Variants in PTPRD observed in about 807,000 individuals in gnomAD.
PTPRD encodes receptor-type tyrosine-protein phosphatase delta.
PTPRD carries 34 observed loss-of-function variants against 214.5 expected under a neutral mutation model. The ratio of observed to expected loss-of-function variants is 0.16; its 90% confidence interval spans 0.12 to 0.21. PTPRD has a LOEUF of 0.21. PTPRD is among the 10% of genes least tolerant of loss of function. The pLI, the probability that PTPRD is intolerant of heterozygous loss-of-function variation, is 1.00. For missense variants in PTPRD, 2,545 were observed against 2,398.7 expected, an observed-to-expected ratio of 1.06 and a Z score of -1.27; for synonymous variants, 1,128 against 845.7, an observed-to-expected ratio of 1.33 and a Z score of -5.79.
chr9:9,343,720 A>C, intron 9 of PTPRD, among the ~76,000 whole-genome samples: 1 of 151,716 alleles, frequency 6.6e-6, no homozygotes, highest in East Asian at 1.9e-4. Context: ...ACAGGAGGGA[A>C]CCCTTTTTTT....
intron 5 of PTPRD, among the ~76,000 whole-genome samples, chr9:9,885,672 G>A (rs187145980): frequency 6.6e-6 from 1 of 152,148 alleles, no homozygotes; most frequent in East Asian, 1.9e-4. Flanking sequence ...GGCATGCTAT[G>A]GGGCCACAAG....
chr9:10,117,181 A>T (rs2098737010), intron 3 of PTPRD, among the ~76,000 whole-genome samples: 1 of 152,154 alleles, frequency 6.6e-6, no homozygotes, highest in Non-Finnish European at 1.5e-5. Context: ...CAACAAAAGA[A>T]TGATATGTAA....
intron 3 of PTPRD, among the ~76,000 whole-genome samples, chr9:10,065,448 T>A (rs1590132991): frequency 1.3e-5 from 2 of 152,022 alleles, no homozygotes; most frequent in East Asian, 1.9e-4. Flanking sequence ...ATTAGGCTTT[T>A]TTTTTATTTT....
intron 2 of PTPRD, among the ~76,000 whole-genome samples, chr9:10,583,104 T>C (rs895524739): frequency 6.6e-6 from 1 of 151,682 alleles, no homozygotes; most frequent in Non-Finnish European, 1.5e-5. Flanking sequence ...AGGTGAAGAG[T>C]TGGGTGATGC....
chr9:8,995,908 C>T (rs1048988131), intron 11 of PTPRD, among the ~76,000 whole-genome samples: 9 of 152,026 alleles, frequency 5.9e-5, no homozygotes, highest in African/African-American at 9.7e-5. Context: ...TTTTAGTAAA[C>T]GTACTTCTAG....
At chr9:9,423,511 G>T (rs556339593) in intron 8 of PTPRD, among the ~76,000 whole-genome samples, 1 of 152,222 alleles carries the variant, frequency 6.6e-6, no homozygotes, top group African/African-American at 2.4e-5. Flanking sequence ...CTAGGGTAGA[G>T]AATTAAATGC....
intron 40 of PTPRD, 37 bp downstream of exon 40, chr9:8,341,656 T>C (rs1340564919): frequency 1.2e-6 from 2 of 1,600,326 alleles, no homozygotes; most frequent in African/African-American, 1.3e-5. Context: ...CCAGAATGAC[T>C]TGCTCCTGAA....
At chr9:9,489,118 T>A (rs1300104880) in intron 8 of PTPRD, among the ~76,000 whole-genome samples, 1 of 152,066 alleles carries the variant, frequency 6.6e-6, no homozygotes, top group African/African-American at 2.4e-5. Context: ...AGGGCATTCA[T>A]AAATAATTGC....
At chr9:10,446,765 T>C (rs1349462597) in intron 2 of PTPRD, among the ~76,000 whole-genome samples, 2 of 152,104 alleles carry the variant, frequency 1.3e-5, no homozygotes, top group Admixed American at 1.3e-4. Flanking sequence ...AGGGACAAAT[T>C]GTTTCAATAT....
intron 3 of PTPRD, among the ~76,000 whole-genome samples, chr9:10,214,941 C>T (rs1356646503): frequency 6.6e-6 from 1 of 151,938 alleles, no homozygotes; most frequent in Non-Finnish European, 1.5e-5. Flanking sequence ...TCTGTTGAAG[C>T]TTGAGTTTTG....
At chr9:8,474,869 C>T (rs370428960) in intron 30 of PTPRD, among the ~76,000 whole-genome samples, 1 of 151,970 alleles carries the variant, frequency 6.6e-6, no homozygotes, top group South Asian at 2.1e-4. Context: ...TTTTGAAGGC[C>T]ATTAACTATT....
chr9:8,876,330 A>G (rs1489340271), intron 11 of PTPRD, among the ~76,000 whole-genome samples: 4 of 152,156 alleles, frequency 2.6e-5, no homozygotes, highest in Non-Finnish European at 5.9e-5. Context: ...AGGAATAGTC[A>G]TCAAACCAAA....
At chr9:8,483,501 C>G (rs1467186035) in intron 30 of PTPRD, among the ~76,000 whole-genome samples, 2 of 152,162 alleles carry the variant, frequency 1.3e-5, no homozygotes, top group Admixed American at 1.3e-4. Flanking sequence ...GCCTATAATC[C>G]TAGCACTTTG....
chr9:9,960,151 A>C (rs1459224911), intron 4 of PTPRD, among the ~76,000 whole-genome samples: 1 of 151,934 alleles, frequency 6.6e-6, no homozygotes, highest in African/African-American at 2.4e-5. Flanking sequence ...CAGTAGTGGC[A>C]GAATGCAAGG....
At chr9:9,739,983 G>A (rs1004063115) in intron 6 of PTPRD, among the ~76,000 whole-genome samples, 6 of 152,016 alleles carry the variant, frequency 3.9e-5, no homozygotes, top group Non-Finnish European at 8.8e-5. Context: ...AATATCTGAA[G>A]ATTTTCTACC....
At chr9:8,591,235 T>C (rs2094080028) in intron 14 of PTPRD, among the ~76,000 whole-genome samples, 1 of 152,190 alleles carries the variant, frequency 6.6e-6, no homozygotes, top group African/African-American at 2.4e-5. Flanking sequence ...CCCTTTGCCT[T>C]GTAGGGTAAC....
intron 4 of PTPRD, among the ~76,000 whole-genome samples, chr9:9,959,446 T>G (rs2094192186): frequency 6.6e-6 from 1 of 152,150 alleles, no homozygotes; most frequent in African/African-American, 2.4e-5. Context: ...TACATATTTG[T>G]CAAAACCCAT....
intron 10 of PTPRD, among the ~76,000 whole-genome samples, chr9:9,072,351 C>A (rs1025840090): frequency 1.3e-5 from 2 of 150,142 alleles, no homozygotes; most frequent in African/African-American, 4.9e-5. Context: ...TGCCATTGAC[C>A]AGAATAAACA....
At chr9:9,404,006 T>C (rs1162040143) in intron 8 of PTPRD, among the ~76,000 whole-genome samples, 2 of 151,996 alleles carry the variant, frequency 1.3e-5, no homozygotes, top group African/African-American at 2.4e-5. Flanking sequence ...AGAATGTTTA[T>C]GTAAAGGAAC....
Sources: gnomAD v4.1 joint callset for allele counts (sites outside exome capture counted in the v4.1 genomes callset) on GRCh38, gnomAD v4.1.1 for gene constraint, MANE v1.5 for transcripts, NCBI Gene and HGNC (gene_info 2026-07-23, HGNC 2026-07-21) for gene names.